The following PTPRR variants were observed in gnomAD, a reference collection of about 807,000 sequenced individuals.
PTPRR encodes receptor-type tyrosine-protein phosphatase R.
PTPRR carries 38 observed loss-of-function variants against 77.2 expected under a neutral mutation model. The observed-to-expected ratio is 0.49, with a 90% confidence interval of 0.38 to 0.65. The LOEUF (loss-of-function observed/expected upper bound fraction) is 0.65, where lower values mean the gene tolerates loss of function less well. Ranked by LOEUF, PTPRR falls within the 30% of genes least tolerant of loss-of-function variation. The pLI is 0.00. For synonymous variants in PTPRR, 299 were observed against 283.1 expected (o/e 1.06, Z -0.57); for missense variants, 744 against 799.2 (o/e 0.93, Z 0.83).
rs61539990 is a variant in PTPRR at position 70,821,213 on chromosome 12, C to CTT, written c.358-56437_358-56436dup. Among the ~76,000 whole-genome samples the CTT allele has an allele frequency of 7.2e-3, 230 of 31,986 alleles. 52 individuals are homozygous for CTT. Among genetic ancestry groups the CTT allele is most frequent in the Middle Eastern group, 0.033 (1 of 30 alleles). 21.0% of individuals were successfully genotyped at this position (31,986 alleles called of 152,430 possible). A position where few individuals can be genotyped will look rare whatever the true frequency, so the allele number is the denominator to read the frequency against. On this transcript the variant is annotated intron_variant, in intron 2 of 13. Transcript: ENST00000283228. ...CAAAACATGTTGAAAGGGATCACTG[C>CTT]TTTTTTTTTTTTTTTTTTTTTTTTT...
At chr12:70,755,244 A>G (rs1388776329) in intron 4 of PTPRR, among the ~76,000 whole-genome samples, 1 of 152,132 alleles carries the variant, frequency 6.6e-6, no homozygotes, top group African/African-American at 2.4e-5. Flanking sequence ...CTAAAATTTC[A>G]TTTTGTTGAA....
chr12:70,769,954 A>C (rs913765595), intron 2 of PTPRR, among the ~76,000 whole-genome samples: 7 of 152,146 alleles, frequency 4.6e-5, no homozygotes, highest in African/African-American at 1.7e-4. Context: ...CTGGCTAGCC[A>C]TATGTAGAAA....
chr12:70,680,081 G>A (rs1400646083), intron 10 of PTPRR, among the ~76,000 whole-genome samples: 2 of 151,818 alleles, frequency 1.3e-5, no homozygotes, highest in Non-Finnish European at 2.9e-5. Flanking sequence ...GGTTATTCTG[G>A]GGCTTATGTA....
chr12:70,914,652 T>C (rs148828013), intron 1 of PTPRR, among the ~76,000 whole-genome samples: 113 of 152,180 alleles, frequency 7.4e-4, no homozygotes, highest in African/African-American at 2.6e-3. Context: ...TGAGTAAAAA[T>C]AGTTGTATAT....
intron 8 of PTPRR, 38 bp downstream of exon 8, chr12:70,698,227 C>T (rs370113558): frequency 2.0e-5 from 31 of 1,561,688 alleles, no homozygotes; most frequent in Non-Finnish European, 2.4e-5. Context: ...CTCCCCTTGC[C>T]CCCCATACAA....
chr12:70,733,653 A>T (rs1017031354), intron 6 of PTPRR, among the ~76,000 whole-genome samples: 1 of 152,118 alleles, frequency 6.6e-6, no homozygotes, highest in Non-Finnish European at 1.5e-5. Flanking sequence ...TTTAGATTGT[A>T]CCCAGATAAT....
intron 12 of PTPRR, among the ~76,000 whole-genome samples, chr12:70,659,898 G>A (rs371110608): frequency 8.5e-5 from 13 of 152,138 alleles, no homozygotes; most frequent in South Asian, 8.3e-4. Flanking sequence ...GGCTGGCTGG[G>A]CATGGTAGCT....
At chr12:70,734,941 A>AT (rs1341392920) in intron 6 of PTPRR, among the ~76,000 whole-genome samples, 5 of 152,168 alleles carry the variant, frequency 3.3e-5, no homozygotes, top group Admixed American at 3.3e-4. Context: ...ACAAGATTAC[A>AT]TTTTTGTCTC....
At chr12:70,639,338 CAG>C in intron 13 of PTPRR, 61 bp from the exon 14 acceptor site, 2 of 1,560,140 alleles carry the variant, frequency 1.3e-6, no homozygotes, top group Non-Finnish European at 1.7e-6. Context: ...TCAAGTAACA[CAG>C]AGATTTCATC....
At chr12:70,831,893 C>T (rs1892219397) in intron 2 of PTPRR, among the ~76,000 whole-genome samples, 1 of 152,178 alleles carries the variant, frequency 6.6e-6, no homozygotes, top group Admixed American at 6.5e-5. Flanking sequence ...CTTCTTGTAG[C>T]ACTCTAATTA....
At chr12:70,719,946 A>G (rs187571149) in intron 6 of PTPRR, among the ~76,000 whole-genome samples, 211 of 152,348 alleles carry the variant, frequency 1.4e-3, no homozygotes, top group African/African-American at 4.4e-3. Context: ...CAAAACCAAG[A>G]GCCCACCCTG....
chr12:70,712,181 T>C (rs1888849669), intron 6 of PTPRR, among the ~76,000 whole-genome samples: 1 of 151,976 alleles, frequency 6.6e-6, no homozygotes, highest in Non-Finnish European at 1.5e-5. Flanking sequence ...TAAAGTATCA[T>C]CAGTCTTCAG....
intron 1 of PTPRR, among the ~76,000 whole-genome samples, chr12:70,896,125 G>A (rs1376091781): frequency 6.6e-6 from 1 of 151,378 alleles, no homozygotes; most frequent in African/African-American, 2.4e-5. Flanking sequence ...AAATTCCCAA[G>A]GATAAAGAGG....
chr12:70,680,500 T>G (rs1887615420), intron 10 of PTPRR, among the ~76,000 whole-genome samples: 1 of 151,878 alleles, frequency 6.6e-6, no homozygotes, highest in Non-Finnish European at 1.5e-5. Flanking sequence ...TAAGCTGTAG[T>G]CAACTTTATT....
chr12:70,850,077 T>C (rs1345244334), intron 2 of PTPRR, among the ~76,000 whole-genome samples: 3 of 152,154 alleles, frequency 2.0e-5, no homozygotes, highest in Non-Finnish European at 4.4e-5. Context: ...AAAGTAATTT[T>C]CTGGCTGGGC....
chr12:70,854,910 C>T (rs1892627731), intron 2 of PTPRR, among the ~76,000 whole-genome samples: 1 of 152,174 alleles, frequency 6.6e-6, no homozygotes, highest in African/African-American at 2.4e-5. Flanking sequence ...ATATTAGCTG[C>T]TATTTTTACC....
intron 6 of PTPRR, among the ~76,000 whole-genome samples, chr12:70,733,463 ATT>A (rs1889747602): frequency 4.2e-4 from 34 of 81,754 alleles, no homozygotes; most frequent in African/African-American, 6.8e-4. Flanking sequence ...AAAAAGAAAA[ATT>A]ATGGCAAAAA....
At chr12:70,744,626 G>A (rs1417159994) in intron 6 of PTPRR, among the ~76,000 whole-genome samples, 1 of 152,206 alleles carries the variant, frequency 6.6e-6, no homozygotes, top group Admixed American at 6.5e-5. Context: ...TCTGAAGGGT[G>A]TGTTTGTGTG....
At chr12:70,834,080 T>C (rs1174769162) in intron 2 of PTPRR, among the ~76,000 whole-genome samples, 1 of 152,108 alleles carries the variant, frequency 6.6e-6, no homozygotes, top group East Asian at 1.9e-4. Flanking sequence ...TAACTGAAAA[T>C]ATCGCTTAGC....
Sources: allele counts gnomAD v4.1 joint callset (sites outside exome capture counted in the v4.1 genomes callset), GRCh38; gene constraint gnomAD v4.1.1; transcripts MANE v1.5; gene names NCBI Gene and HGNC (gene_info 2026-07-23, HGNC 2026-07-21).